The following CELF2 variants were observed in gnomAD, a reference collection of about 807,000 sequenced individuals.
CELF2 encodes CUG triplet repeat RNA-binding protein 2.
A neutral mutation model predicts 62.6 loss-of-function variants in CELF2; 8 were observed. The observed-to-expected ratio is 0.13, with a 90% CI of 0.07 to 0.23. The LOEUF is 0.23. CELF2 is among the 10% of genes least tolerant of loss of function. The pLI, the probability that CELF2 is intolerant of heterozygous loss-of-function variation, is 1.00. For missense variants in CELF2, 333 were observed against 671.0 expected (o/e 0.50, Z 5.56); for synonymous variants, 258 against 250.0 (o/e 1.03, Z -0.30).
intron 5 of CELF2, among the ~76,000 whole-genome samples, chr10:11,263,198 A>T (rs2081235285): frequency 6.6e-6 from 1 of 152,070 alleles, no homozygotes; most frequent in South Asian, 2.1e-4. Context: ...GCAAGAAGGT[A>T]ACCTCACTGA....
At chr10:10,818,294 C>T (rs1300984046) in intron 1 of CELF2, among the ~76,000 whole-genome samples, 1 of 152,170 alleles carries the variant, frequency 6.6e-6, no homozygotes. Flanking sequence ...ATGAGTGTAT[C>T]AGTCACATGC....
the CELF2 span, among the ~76,000 whole-genome samples, chr10:10,699,418 C>T: frequency 6.6e-6 from 1 of 152,192 alleles, no homozygotes; most frequent in Non-Finnish European, 1.5e-5. Flanking sequence ...AATTCATACA[C>T]AGTTTTTGTC....
chr10:10,545,424 C>T, the CELF2 span, among the ~76,000 whole-genome samples: 8 of 152,278 alleles, frequency 5.3e-5, no homozygotes, highest in South Asian at 1.7e-3. Context: ...GAAACCCAAA[C>T]AAGGCCTGCT....
At chr10:10,468,431 T>C in the CELF2 span, among the ~76,000 whole-genome samples, 4 of 152,038 alleles carry the variant, frequency 2.6e-5, no homozygotes, top group Non-Finnish European at 4.4e-5. Context: ...CATCTCCTGT[T>C]ACAATTCCTC....
chr10:10,605,327 T>A, the CELF2 span, among the ~76,000 whole-genome samples: 2 of 152,132 alleles, frequency 1.3e-5, no homozygotes. Flanking sequence ...GATGCTGGGC[T>A]TAATACCTAG....
chr10:10,933,554 G>GT (rs1426603430), intron 2 of CELF2, among the ~76,000 whole-genome samples: 2 of 151,982 alleles, frequency 1.3e-5, no homozygotes, highest in Non-Finnish European at 2.9e-5. Flanking sequence ...GTATCCAACG[G>GT]TAACTTTATA....
intron 2 of CELF2, among the ~76,000 whole-genome samples, chr10:11,202,348 G>A (rs2059402739): frequency 1.3e-5 from 2 of 152,150 alleles, no homozygotes; most frequent in African/African-American, 4.8e-5. Context: ...AATTATTTAT[G>A]TGACAAAAAA....
At chr10:10,889,801 A>C (rs2062006471) in intron 1 of CELF2, among the ~76,000 whole-genome samples, 1 of 152,176 alleles carries the variant, frequency 6.6e-6, no homozygotes, top group Non-Finnish European at 1.5e-5. Context: ...TGCATAGGAG[A>C]GTCTTCCAAA....
intron 1 of CELF2, among the ~76,000 whole-genome samples, chr10:11,095,812 C>CA (rs113322135): frequency 0.07 from 10,720 of 152,058 alleles, 501 homozygotes; most frequent in Middle Eastern, 0.13. Context: ...ATTATGAGGC[C>CA]AACACTTAGA....
intron 1 of CELF2, among the ~76,000 whole-genome samples, chr10:11,100,588 T>C (rs991124223): frequency 1.3e-5 from 2 of 151,982 alleles, no homozygotes; most frequent in Non-Finnish European, 2.9e-5. Context: ...TTCATTCTTA[T>C]ATTTGAAAAA....
chr10:10,965,225 G>T (rs531389384), intron 2 of CELF2, among the ~76,000 whole-genome samples: 11 of 152,196 alleles, frequency 7.2e-5, no homozygotes, highest in Middle Eastern at 6.8e-3. Flanking sequence ...CCTATGGTAT[G>T]GTTTGACAGT....
At chr10:11,129,948 C>G (rs931565156) in intron 1 of CELF2, among the ~76,000 whole-genome samples, 3 of 152,172 alleles carry the variant, frequency 2.0e-5, no homozygotes, top group Non-Finnish European at 4.4e-5. Context: ...TTCTCTAGTT[C>G]TTTTAATTGT....
rs1177946446 is a variant in CELF2 at position 10,997,025 on chromosome 10, A to C, written c.89+77026A>C. ...CTCCTTGGTTTTCTTCATTCCACCC[A>C]CTCAGTTATTCACATTGTGATTCTA... On this transcript the variant is annotated intron_variant, in intron 2 of 13. Coordinates refer to the CELF2 transcript ENST00000636488. This position sits in a 1 kb window ranked among gnomAD's most constrained non-coding sequence, Gnocchi z 5.3. 2.6e-5 allele frequency among the ~76,000 whole-genome samples: 4 copies of C among 152,060 alleles called. No homozygotes were observed. The highest frequency in any genetic ancestry group is 1.3e-4 in the Admixed American group (2 of 15,262).
In CELF2 at chr10:11,165,257, C is replaced by T. The variant is rs2066719184; in HGVS notation, c.75-229C>T. On this transcript the variant is annotated intron_variant, in intron 1 of 12. Coordinates refer to ENST00000633077, the MANE Select transcript of CELF2 (RefSeq NM_001326342.2). The surrounding 1 kb of genome is among the most constrained non-coding windows in gnomAD (Gnocchi z 7.4). ...CGGCAGGGCGCTGCCCCGTGCTCCC[C>T]CGGCTCTGCTCGACAGCAGCACGCA... The T allele has an allele frequency of 2.2e-6, 3 of 1,372,082 alleles. No individual in the cohort carries two copies. The highest frequency in any genetic ancestry group is 2.8e-6 in the Non-Finnish European group (3 of 1,062,064). The allele number at this position is 1,372,082 out of a possible 1,614,324, so 85.0% of individuals were successfully genotyped here. A position where few individuals can be genotyped will look rare whatever the true frequency, so the allele number is the denominator to read the frequency against.
At chr10:10,533,453 G>C in the CELF2 span, among the ~76,000 whole-genome samples, 2 of 152,134 alleles carry the variant, frequency 1.3e-5, no homozygotes, top group African/African-American at 4.8e-5. Context: ...TACCTATTAT[G>C]GGTCATTAAT....
Position 10,938,113 on chromosome 10 carries a change from T to C in CELF2, c.89+18114T>C. The stretch of plus-strand genomic sequence containing the variant: ...TCAAGAGAGATAGAGGGGAGATGGG[T>C]AATACTGAATATGCAGAATTCAATC... On this transcript the variant is annotated intron_variant, in intron 2 of 13. Transcript: ENST00000636488. This position sits in a 1 kb window ranked among gnomAD's most constrained non-coding sequence, Gnocchi z 4.2. Among the ~76,000 whole-genome samples the C allele has an allele frequency of 6.6e-6, 1 of 152,180 alleles. No individual in the cohort carries two copies. Among genetic ancestry groups the C allele is most frequent in the East Asian group, 1.9e-4 (1 of 5,202 alleles).
the CELF2 span, among the ~76,000 whole-genome samples, chr10:10,554,328 C>T: frequency 6.6e-6 from 1 of 152,154 alleles, no homozygotes; most frequent in Admixed American, 6.5e-5. Flanking sequence ...CCTGTATCAG[C>T]AGAGAGCATG....
rs1279523734 is a variant in CELF2 at position 11,177,422 on chromosome 10, A to G, written c.271+11740A>G. Among the ~76,000 whole-genome samples, 1 of 93,348 alleles carries G rather than the reference A, an allele frequency of 1.1e-5. No homozygotes were observed. The highest frequency in any genetic ancestry group is 2.1e-5 in the Non-Finnish European group (1 of 47,728). The allele number at this position is 93,348 out of a possible 152,430, so 61.2% of individuals were successfully genotyped here. A position where few individuals can be genotyped will look rare whatever the true frequency, so the allele number is the denominator to read the frequency against. Reference sequence around the variant, plus strand: ...TGGCTTATGTTTGCATGTGTGAATTAAAAAAAAAAAAAAGAGAAAATTAGG... The same window carrying G: ...TGGCTTATGTTTGCATGTGTGAATTGAAAAAAAAAAAAAGAGAAAATTAGG... On this transcript the variant is annotated intron_variant, in intron 2 of 12. Coordinates refer to ENST00000633077, the MANE Select transcript of CELF2 (RefSeq NM_001326342.2). The surrounding 1 kb of genome is among the most constrained non-coding windows in gnomAD (Gnocchi z 4.8).
intron 2 of CELF2, among the ~76,000 whole-genome samples, chr10:10,971,543 T>A (rs758980876): frequency 1.3e-5 from 2 of 152,052 alleles, no homozygotes; most frequent in Non-Finnish European, 2.9e-5. Context: ...CTGGAAAGAG[T>A]CATCCACATG....
Sources: allele counts gnomAD v4.1 joint callset (sites outside exome capture counted in the v4.1 genomes callset), GRCh38; gene constraint gnomAD v4.1.1; non-coding constraint Gnocchi (gnomAD v3.1); transcripts MANE v1.5; gene names NCBI Gene and HGNC (gene_info 2026-07-23, HGNC 2026-07-21).